Variants in LRRC4C observed in about 807,000 individuals in gnomAD.
LRRC4C encodes leucine rich repeat containing 4C, also known as leucine-rich repeat-containing protein 4C.
LRRC4C carries 5 observed loss-of-function variants against 33.6 expected under a neutral mutation model. The ratio of observed to expected loss-of-function variants is 0.15; its 90% CI spans 0.08 to 0.31. The LOEUF is 0.31. Ranked by LOEUF, LRRC4C falls within the 10% of genes least tolerant of loss-of-function variation. The pLI, the probability that LRRC4C is intolerant of heterozygous loss-of-function variation, is 1.00. For synonymous variants in LRRC4C, 329 were observed against 302.0 expected, an observed-to-expected ratio of 1.09 and a Z score of -0.93; for missense variants, 560 against 796.7, an observed-to-expected ratio of 0.70 and a Z score of 3.58.
intron 1 of LRRC4C, among the ~76,000 whole-genome samples, chr11:41,304,982 G>C (rs1359037743): frequency 3.9e-5 from 4 of 101,888 alleles, no homozygotes; most frequent in African/African-American, 1.4e-4. Flanking sequence ...CCTCTGCCCG[G>C]CCGCCCCTAC....
intron 1 of LRRC4C, among the ~76,000 whole-genome samples, chr11:41,231,343 A>G (rs577261626): frequency 6.6e-6 from 1 of 152,212 alleles, no homozygotes; most frequent in East Asian, 1.9e-4. Flanking sequence ...ACTATTCACA[A>G]TAGCAAAGAC....
At chr11:40,366,710 G>A (rs751562403) in intron 3 of LRRC4C, among the ~76,000 whole-genome samples, 14 of 152,084 alleles carry the variant, frequency 9.2e-5, no homozygotes, top group Admixed American at 4.6e-4. Flanking sequence ...TTTGAGTAAG[G>A]CATTTTCATG....
intron 2 of LRRC4C, among the ~76,000 whole-genome samples, chr11:40,733,363 C>T (rs11036046): frequency 0.36 from 54,384 of 151,742 alleles, 10,237 homozygotes; most frequent in Middle Eastern, 0.44. Context: ...GCGTGAGCCA[C>T]GGTGCCCGCC....
intron 2 of LRRC4C, among the ~76,000 whole-genome samples, chr11:40,698,797 A>T (rs1349723076): frequency 6.6e-6 from 1 of 152,172 alleles, no homozygotes; most frequent in Non-Finnish European, 1.5e-5. Flanking sequence ...ATTGAGGCAG[A>T]CGAGAGAAAT....
At chr11:40,466,284 G>A (rs1047428459) in intron 3 of LRRC4C, among the ~76,000 whole-genome samples, 1 of 151,952 alleles carries the variant, frequency 6.6e-6, no homozygotes, top group African/African-American at 2.4e-5. Context: ...TGGGGGGAGA[G>A]TGAGGGATGA....
At chr11:41,277,220 G>C (rs777334372) in intron 1 of LRRC4C, among the ~76,000 whole-genome samples, 54 of 152,080 alleles carry the variant, frequency 3.6e-4, no homozygotes, top group Non-Finnish European at 6.8e-4. Context: ...TAACATGAAT[G>C]CTAACATGGC....
In LRRC4C at chr11:40,189,533, A is replaced by T. The variant is rs568580487; in HGVS notation, c.-95-48680T>A. 3.4e-4 allele frequency among the ~76,000 whole-genome samples: 52 copies of T among 152,338 alleles called. 1 individual carries two copies. In the South Asian group the frequency reaches 0.011, roughly 31 times the overall value. On this transcript the variant is annotated intron_variant, in intron 5 of 6. Coordinates refer to ENST00000528697, the MANE Select transcript of LRRC4C (RefSeq NM_001258419.2). ...CCCTTCTTCGAACCCTTCTATAAAA[A>T]GAAGTGAGGTGATAGAAACATAATT... is the stretch of plus-strand genomic sequence containing the variant.
chr11:40,169,809 G>A (rs562066974), intron 5 of LRRC4C, among the ~76,000 whole-genome samples: 1 of 152,016 alleles, frequency 6.6e-6, no homozygotes, highest in African/African-American at 2.4e-5. Flanking sequence ...CAATTCACAC[G>A]ATTTCTTATT....
intron 1 of LRRC4C, among the ~76,000 whole-genome samples, chr11:41,303,929 G>C (rs1419022432): frequency 1.7e-4 from 15 of 88,292 alleles, no homozygotes; most frequent in African/African-American, 5.3e-4. Context: ...CTCTCCGCCC[G>C]GCAGCCACCC....
intron 1 of LRRC4C, among the ~76,000 whole-genome samples, chr11:41,108,071 A>C (rs1941618312): frequency 6.6e-6 from 1 of 152,128 alleles, no homozygotes; most frequent in Admixed American, 6.6e-5. Flanking sequence ...GCAAATGCTC[A>C]ACATAACATG....
chr11:40,307,948 A>G (rs368131202), intron 4 of LRRC4C, among the ~76,000 whole-genome samples: 1 of 152,238 alleles, frequency 6.6e-6, no homozygotes, highest in East Asian at 1.9e-4. Context: ...CACATGTAGG[A>G]ACAGCTGAGA....
chr11:40,231,529 A>C (rs1865199292), intron 5 of LRRC4C, among the ~76,000 whole-genome samples: 4 of 152,204 alleles, frequency 2.6e-5, no homozygotes, highest in Admixed American at 2.6e-4. Context: ...TTTAAAATTT[A>C]TTAAATGCAT....
intron 5 of LRRC4C, among the ~76,000 whole-genome samples, chr11:40,155,783 A>G (rs1255774049): frequency 6.6e-6 from 1 of 152,188 alleles, no homozygotes; most frequent in East Asian, 1.9e-4. Flanking sequence ...TGTTCAAAGA[A>G]GAATTGATAC....
intron 3 of LRRC4C, among the ~76,000 whole-genome samples, chr11:40,555,711 G>A (rs1008844932): frequency 7.2e-5 from 11 of 152,242 alleles, no homozygotes; most frequent in East Asian, 1.9e-4. Flanking sequence ...AAAAAGGACC[G>A]TGTATATTTT....
intron 5 of LRRC4C, among the ~76,000 whole-genome samples, chr11:40,216,212 G>C (rs541256604): frequency 7.9e-5 from 12 of 152,200 alleles, no homozygotes; most frequent in Admixed American, 3.3e-4. Context: ...AAGTTTTTAT[G>C]TAAGTTTAAA....
intron 1 of LRRC4C, among the ~76,000 whole-genome samples, chr11:41,112,953 A>C (rs1471524516): frequency 6.6e-6 from 1 of 152,062 alleles, no homozygotes; most frequent in Non-Finnish European, 1.5e-5. Flanking sequence ...TGCATGCAGG[A>C]ATTAGCGTAT....
chr11:40,553,044 G>A (rs1957188636), intron 3 of LRRC4C, among the ~76,000 whole-genome samples: 1 of 152,174 alleles, frequency 6.6e-6, no homozygotes, highest in South Asian at 2.1e-4. Flanking sequence ...GCTGAGGCAG[G>A]CAGATCACCT....
chr11:40,359,517 A>G (rs1824260876), intron 3 of LRRC4C, among the ~76,000 whole-genome samples: 1 of 152,194 alleles, frequency 6.6e-6, no homozygotes, highest in South Asian at 2.1e-4. Context: ...GGATGTGTAT[A>G]CAAAACATCA....
At chr11:41,354,938 G>A (rs1289395743) in intron 1 of LRRC4C, among the ~76,000 whole-genome samples, 2 of 151,984 alleles carry the variant, frequency 1.3e-5, no homozygotes, top group African/African-American at 4.8e-5. Context: ...ATAGGCCTTG[G>A]GAAAGATTTC....
Sources: allele counts gnomAD v4.1 joint callset (sites outside exome capture counted in the v4.1 genomes callset), GRCh38; gene constraint gnomAD v4.1.1; transcripts MANE v1.5; gene names NCBI Gene and HGNC (gene_info 2026-07-23, HGNC 2026-07-21).